Variants in DPY19L2 observed in about 807,000 individuals in gnomAD.
DPY19L2 encodes probable C-mannosyltransferase DPY19L2.
Under a neutral mutation model 97.9 loss-of-function variants are expected in DPY19L2, and 34 were observed. That is an observed-to-expected ratio of 0.35 (90% CI 0.26 to 0.46). DPY19L2 has a LOEUF of 0.46. DPY19L2 is among the 20% of genes least tolerant of loss of function. DPY19L2 has a pLI of 1.00. For synonymous variants in DPY19L2, 230 were observed against 307.9 expected, an observed-to-expected ratio of 0.75 and a Z score of 2.65; for missense variants, 623 against 911.4, an observed-to-expected ratio of 0.68 and a Z score of 4.07.
At position 63,628,810 on chromosome 12, in the gene DPY19L2, A is replaced by ACC. The variant is rs565367333; in HGVS notation, c.804-2286_804-2285dup. 1.1e-3 allele frequency among the ~76,000 whole-genome samples: 164 copies of ACC among 150,394 alleles called. 5 individuals carry two copies. The East Asian group carries it at 0.03, about 27-fold the overall frequency. On this transcript the variant is annotated intron_variant, in intron 6 of 21. Transcript: ENST00000324472. ...CCTCCGAGTAGCATAACTGGGAGGC[A>ACC]CCCCCCAGTAGGGGCAGACTGACAC...
chr12:63,668,421 A>G lies in DPY19L2; in HGVS notation c.-28T>C. The G allele has an allele frequency of 1.3e-6, 2 of 1,558,754 alleles. No individual in the cohort carries two copies. Among genetic ancestry groups the G allele is most frequent in the South Asian group, 2.4e-5 (2 of 83,210 alleles). ...TCAAGGAGTATGGTGGAGCTGGGTCAATTTCAGGCACAGCCCAGCCGAGTC... is the reference window on the plus strand; with the variant it reads ...TCAAGGAGTATGGTGGAGCTGGGTCGATTTCAGGCACAGCCCAGCCGAGTC... On this transcript the variant is annotated 5_prime_UTR_variant, in exon 1 of 22. Coordinates refer to ENST00000324472, the MANE Select transcript of DPY19L2 (RefSeq NM_173812.5).
In DPY19L2 at chr12:63,582,431, A is replaced by G. The variant is rs1199142034; in HGVS notation, c.1700T>C (p.Met567Thr). ...KMFLTPHMCV[M>T]ASLICSRQLF... ...CTGTCGAGAGCATATCAAGGAAGCC[A>G]TAACACACATGTGCGGTGTCAAAAA... The change falls in exon 18 of 22, where the codon ATG becomes ACG. Residue 567 changes from methionine (M) to threonine (T), a missense_variant. Around this residue, in one of 6 missense-constraint regions of DPY19L2, gnomAD observed 294 missense variants for 446.2 expected, o/e 0.66. Coordinates refer to ENST00000324472, the MANE Select transcript of DPY19L2 (RefSeq NM_173812.5). The G allele has an allele frequency of 1.2e-6, 2 of 1,613,388 alleles. No individual in the cohort carries two copies. Among genetic ancestry groups the G allele is most frequent in the South Asian group, 2.2e-5 (2 of 90,926 alleles).
chr12:63,612,848 C>T (rs1261856648), intron 11 of DPY19L2, among the ~76,000 whole-genome samples: 1 of 151,760 alleles, frequency 6.6e-6, no homozygotes, highest in African/African-American at 2.4e-5. Context: ...ACTATCACTA[C>T]AGATACTATA....
chr12:63,638,257 G>T (rs923651377), intron 6 of DPY19L2, among the ~76,000 whole-genome samples: 101 of 152,232 alleles, frequency 6.6e-4, no homozygotes, highest in African/African-American at 2.3e-3. Context: ...ATATCATACT[G>T]AATGGGCAAA....
chr12:63,584,344 C>T (rs28464013), intron 16 of DPY19L2, among the ~76,000 whole-genome samples: 1 of 151,912 alleles, frequency 6.6e-6, no homozygotes, highest in Non-Finnish European at 1.5e-5. Context: ...AAAAGTTGTC[C>T]CTTTACAAAA....
At chr12:63,562,033 T>C in intron 21 of DPY19L2, among the ~76,000 whole-genome samples, 1 of 152,206 alleles carries the variant, frequency 6.6e-6, no homozygotes, top group East Asian at 1.9e-4. Context: ...AATTTTGTGT[T>C]GTTTCTTATT....
At chr12:63,584,935 G>T (rs1376031354) in intron 16 of DPY19L2, among the ~76,000 whole-genome samples, 1 of 152,186 alleles carries the variant, frequency 6.6e-6, no homozygotes, top group African/African-American at 2.4e-5. Flanking sequence ...ATCTAAAACT[G>T]CAAAAGTTAT....
rs887017706 is a variant in DPY19L2 at position 63,645,085 on chromosome 12, CATGT to C, written c.710-593_710-590del. ...TCTTAGTATATTCCATATAGAAGAT[CATGT>C]GTGTGTGTGTGTGTGGCAATATGTA... On this transcript the variant is annotated intron_variant, in intron 5 of 21. Transcript: ENST00000324472. Among the ~76,000 whole-genome samples the C allele has an allele frequency of 2.0e-4, 17 of 85,700 alleles. No homozygotes were observed. The East Asian group carries it at 6.7e-3, about 34-fold the overall frequency. The allele number at this position is 85,700 out of a possible 152,430, so 56.2% of individuals were successfully genotyped here.
intron 2 of DPY19L2, 68 bp downstream of exon 2, chr12:63,665,767 A>C (rs1896262580): frequency 1.6e-6 from 2 of 1,234,610 alleles, no homozygotes; most frequent in Admixed American, 4.1e-5. Flanking sequence ...GTTTTACTGT[A>C]TGCAAAGAGT....
chr12:63,586,286 A>G (rs1161396140), intron 16 of DPY19L2, among the ~76,000 whole-genome samples: 1 of 152,186 alleles, frequency 6.6e-6, no homozygotes, highest in Non-Finnish European at 1.5e-5. Context: ...CCATTTTTTC[A>G]GGTAAGAAAG....
intron 5 of DPY19L2, among the ~76,000 whole-genome samples, chr12:63,646,712 T>C (rs1451707153): frequency 6.6e-6 from 1 of 152,142 alleles, no homozygotes; most frequent in Admixed American, 6.5e-5. Flanking sequence ...GGAAAGCTGT[T>C]AGATGATTCC....
intron 16 of DPY19L2, among the ~76,000 whole-genome samples, chr12:63,589,101 T>G (rs976142801): frequency 6.6e-6 from 1 of 151,772 alleles, no homozygotes; most frequent in African/African-American, 2.4e-5. Flanking sequence ...ATACTAACAG[T>G]AAATGAAACA....
At chr12:63,625,105 C>T (rs540971581) in intron 7 of DPY19L2, among the ~76,000 whole-genome samples, 45 of 152,146 alleles carry the variant, frequency 3.0e-4, no homozygotes, top group African/African-American at 9.9e-4. Context: ...GATAAAAGTA[C>T]TTCTACCCTG....
chr12:63,643,739 T>G (rs1173511477), intron 6 of DPY19L2, among the ~76,000 whole-genome samples: 1 of 152,120 alleles, frequency 6.6e-6, no homozygotes, highest in Non-Finnish European at 1.5e-5. Context: ...CATGACATCC[T>G]AGTGTAATAA....
At chr12:63,602,438 T>C (rs56727078) in intron 12 of DPY19L2, among the ~76,000 whole-genome samples, 6 of 152,098 alleles carry the variant, frequency 3.9e-5, no homozygotes, top group African/African-American at 1.4e-4. Flanking sequence ...TAATTATAAC[T>C]GGAGTGCCTG....
At position 63,628,811 on chromosome 12, in the gene DPY19L2, C is replaced by T. The variant is rs376738288; in HGVS notation, c.804-2285G>A. Among the ~76,000 whole-genome samples, 1,498 of 150,808 alleles carry T rather than the reference C, an allele frequency of 9.9e-3. 18 individuals carry two copies. Among genetic ancestry groups the T allele is most frequent in the African/African-American group, 0.034 (1,403 of 40,832 alleles). ...CTCCGAGTAGCATAACTGGGAGGCA[C>T]CCCCCAGTAGGGGCAGACTGACACC... On this transcript the variant is annotated intron_variant, in intron 6 of 21. Coordinates refer to ENST00000324472, the MANE Select transcript of DPY19L2 (RefSeq NM_173812.5).
At chr12:63,564,635 C>A (rs1469515122) in intron 21 of DPY19L2, among the ~76,000 whole-genome samples, 2 of 152,058 alleles carry the variant, frequency 1.3e-5, no homozygotes, top group African/African-American at 2.4e-5. Context: ...TCAATACTTG[C>A]TTTGTGGCCT....
At chr12:63,617,067 T>C (rs1887960436) in intron 11 of DPY19L2, among the ~76,000 whole-genome samples, 2 of 152,116 alleles carry the variant, frequency 1.3e-5, no homozygotes, top group Admixed American at 1.3e-4. Context: ...TTAAAGTAAG[T>C]CTTATTACTT....
chr12:63,635,729 T>C (rs895671523), intron 6 of DPY19L2, among the ~76,000 whole-genome samples: 2 of 151,294 alleles, frequency 1.3e-5, no homozygotes, highest in Non-Finnish European at 3.0e-5. Context: ...AGAGGAGAAG[T>C]TTAGAGTAAA....
Sources: allele counts gnomAD v4.1 joint callset (sites outside exome capture counted in the v4.1 genomes callset), GRCh38; gene constraint gnomAD v4.1.1; regional missense constraint gnomAD v4.1.1; transcripts MANE v1.5; gene names NCBI Gene and HGNC (gene_info 2026-07-23, HGNC 2026-07-21).